TMPRSS13: variants seen among roughly 807,000 people sequenced by gnomAD.
TMPRSS13 encodes transmembrane serine protease 13.
TMPRSS13 carries 50 observed loss-of-function variants against 68.4 expected under a neutral mutation model. The ratio of observed to expected loss-of-function variants is 0.73; its 90% confidence interval spans 0.58 to 0.93. The LOEUF (loss-of-function observed/expected upper bound fraction) is 0.93. TMPRSS13 is among the 40% of genes least tolerant of loss of function. TMPRSS13 has a pLI of 0.00. For missense variants in TMPRSS13, 615 were observed against 729.2 expected (o/e 0.84, Z 1.80); for synonymous variants, 267 against 285.8 (o/e 0.93, Z 0.66).
intron 9 of TMPRSS13, 111 bp downstream of exon 9, chr11:117,908,501 C>T (rs1464475246): frequency 8.3e-7 from 1 of 1,208,692 alleles, no homozygotes; most frequent in East Asian, 2.6e-5. Flanking sequence ...GACTTCTGCC[C>T]TGCAGAAGCT....
chr11:117,919,411 G>C (rs996367845), intron 1 of TMPRSS13, among the ~76,000 whole-genome samples: 2 of 152,256 alleles, frequency 1.3e-5, no homozygotes, highest in African/African-American at 4.8e-5. Flanking sequence ...CATCTGAGGA[G>C]AAAAAGAATG....
chr11:117,914,440 A>G lies in TMPRSS13; in HGVS notation c.631T>C (p.Cys211Arg). 1 of 1,614,020 alleles carries G rather than the reference A, an allele frequency of 6.2e-7. No individual in the cohort carries two copies. Among genetic ancestry groups the G allele is most frequent in the Non-Finnish European group, 8.5e-7 (1 of 1,180,008 alleles). The stretch of plus-strand genomic sequence containing the variant: ...AGCTTGCAGTCCACCACCCCGTCAC[A>G]GCGAACAGCGTGCTTGGGACAGCTC... ...RESCPKHAVR[C>R]DGVVDCKLKS... is the part of the protein sequence containing the mutation. Residue 211 changes from cysteine (C) to arginine (R), a missense_variant, in exon 4 of 13, where the codon TGT becomes CGT. Cys to Arg is a radical substitution (Grantham distance 180). Coordinates refer to ENST00000524993, the MANE Select transcript of TMPRSS13 (RefSeq NM_001077263.3). The surrounding 1 kb of genome is among the most constrained non-coding windows in gnomAD (Gnocchi z 4.2).
chr11:117,921,751 G>A (rs1480861197), intron 1 of TMPRSS13, among the ~76,000 whole-genome samples: 1 of 152,242 alleles, frequency 6.6e-6, no homozygotes, highest in Non-Finnish European at 1.5e-5. Flanking sequence ...TGCTGTCAGA[G>A]CCTGGGAGGC....
At position 117,908,427 on chromosome 11, in the gene TMPRSS13, T is replaced by C. The variant is rs2057485093; in HGVS notation, c.1282+185A>G. 6 of 669,510 alleles carry C rather than the reference T, an allele frequency of 9.0e-6. 1 individual carries two copies. The highest frequency in any genetic ancestry group is 5.0e-4 in the Middle Eastern group (2 of 4,034). The allele number at this position is 669,510 out of a possible 1,614,324, so 41.5% of individuals were successfully genotyped here. ...TTTGGAGCAAACTTATTTATAACCC[T>C]TGGGCTTCAGTTTCCCTAATTATAA... is the stretch of plus-strand genomic sequence containing the variant. On this transcript the variant is annotated intron_variant, in intron 9 of 12. Transcript: ENST00000524993.
In TMPRSS13 at chr11:117,914,302, C is replaced by T. The variant is rs2057552363; in HGVS notation, c.679+90G>A. On this transcript the variant is annotated intron_variant, in intron 4 of 12. Transcript: ENST00000524993. The surrounding 1 kb of genome is among the most constrained non-coding windows in gnomAD (Gnocchi z 4.2). ...ACATGCACGCACACATATACACACA[C>T]AGGCATGCATACACACACACATATA... 2 of 1,532,246 alleles carry T rather than the reference C, an allele frequency of 1.3e-6. No homozygotes were observed. Among genetic ancestry groups the T allele is most frequent in the African/African-American group, 1.4e-5 (1 of 73,796 alleles). The allele number at this position is 1,532,246 out of a possible 1,614,324, so 94.9% of individuals were successfully genotyped here.
At chr11:117,929,246 G>T (rs758611567) in intron 1 of TMPRSS13, 41 bp downstream of exon 1, 2 of 1,581,426 alleles carry the variant, frequency 1.3e-6, no homozygotes, top group African/African-American at 1.4e-5. Flanking sequence ...TGCTTCCTCA[G>T]CGCTGGGAGA....
chr11:117,910,670 C>A, intron 7 of TMPRSS13, 37 bp downstream of exon 7: 1 of 1,592,066 alleles, frequency 6.3e-7, no homozygotes, highest in Non-Finnish European at 8.6e-7. Context: ...TACTCCCACA[C>A]GACACTGGCC....
At chr11:117,920,199 A>T (rs914225229) in intron 1 of TMPRSS13, among the ~76,000 whole-genome samples, 1 of 152,180 alleles carries the variant, frequency 6.6e-6, no homozygotes, top group African/African-American at 2.4e-5. Context: ...TCACCTCTTT[A>T]CATCTCAGTC....
Position 117,915,301 on chromosome 11 carries a change from G to A in TMPRSS13, c.557-787C>T, listed in dbSNP as rs901363537. The stretch of plus-strand genomic sequence containing the variant: ...CTCCCCTTGGCTGCCTCACAGACCC[G>A]GGTTCTAACTTCTCACCCTGCCGCT... On this transcript the variant is annotated intron_variant, in intron 3 of 12. Coordinates refer to ENST00000524993, the MANE Select transcript of TMPRSS13 (RefSeq NM_001077263.3). The surrounding 1 kb of genome is among the most constrained non-coding windows in gnomAD (Gnocchi z 4.9). 5.3e-5 allele frequency among the ~76,000 whole-genome samples: 8 copies of A among 152,112 alleles called. No homozygotes were observed. The highest frequency in any genetic ancestry group is 2.1e-4 in the South Asian group (1 of 4,832).
rs1009093177 is a variant in TMPRSS13 at position 117,905,678 on chromosome 11, G to A, written c.1341C>T (p.Thr447=). 4.4e-6 allele frequency: 7 copies of A among 1,606,094 alleles called. No homozygotes were observed. Among genetic ancestry groups the A allele is most frequent in the Non-Finnish European group, 5.1e-6 (6 of 1,175,512 alleles). ...MHGQTFSLNE[T]CWITGFGKTR... is the part of the protein sequence containing the mutation. The stretch of plus-strand genomic sequence containing the variant: ...TCTTGCCAAAGCCTGTGATCCAGCA[G>A]GTCTCATTGAGGCTAAAGGTCTGTC... Residue 447 remains threonine (T), a synonymous_variant, in exon 10 of 13, where the codon ACC becomes ACT. Coordinates refer to ENST00000524993, the MANE Select transcript of TMPRSS13 (RefSeq NM_001077263.3).
At position 117,902,268 on chromosome 11, in the gene TMPRSS13, G is replaced by A. The variant is rs1440402245; in HGVS notation, c.1678-3C>T. The A allele has an allele frequency of 4.3e-6, 7 of 1,613,470 alleles. No homozygotes were observed. In the South Asian group the frequency reaches 6.6e-5, roughly 15 times the overall value. On this transcript the variant is annotated splice_region_variant and splice_polypyrimidine_tract_variant and intron_variant, in intron 12 of 12. Coordinates refer to ENST00000524993, the MANE Select transcript of TMPRSS13 (RefSeq NM_001077263.3). ...GATTTTCTGAATCGCACCTCGCTCT[G>A]AGGAAGAGAATGGGAGAAGAGGGTG...
chr11:117,918,557 G>T lies in TMPRSS13; in HGVS notation c.303C>A (p.Ser101=). The T allele has an allele frequency of 6.2e-7, 1 of 1,614,224 alleles. No individual in the cohort carries two copies. The highest frequency in any genetic ancestry group is 8.5e-7 in the Non-Finnish European group (1 of 1,180,042). The change falls in exon 2 of 13, where the codon TCC becomes TCA. Residue 101 remains serine (S), a synonymous_variant. Coordinates refer to ENST00000524993, the MANE Select transcript of TMPRSS13 (RefSeq NM_001077263.3). ...CTGACCTGGCGGATGATGACCTGCC[G>T]GATGAGGACCTGGAAAGTGATGCCA... ...PALASLSRSS[S]GRSSSARSAS... is the part of the protein sequence containing the mutation.
chr11:117,924,704 T>C (rs1427528986), intron 1 of TMPRSS13, among the ~76,000 whole-genome samples: 1 of 151,950 alleles, frequency 6.6e-6, no homozygotes, highest in East Asian at 1.9e-4. Flanking sequence ...GTGACTTTTT[T>C]CCCTTTCTCA....
chr11:117,926,673 G>A (rs1018206937), intron 1 of TMPRSS13, among the ~76,000 whole-genome samples: 9 of 152,190 alleles, frequency 5.9e-5, no homozygotes, highest in Admixed American at 2.6e-4. Context: ...CTGGTGTGGC[G>A]CACCTGTCAT....
In TMPRSS13 at chr11:117,900,916, G is replaced by T. The variant is rs912869884; in HGVS notation, c.*1323C>A. Reference sequence around the variant, plus strand: ...GACGGGCCCAAGGAAGGTGAGGGGAGCAGGACTGGCAGAGGAATAGGTGCC... The same window carrying T: ...GACGGGCCCAAGGAAGGTGAGGGGATCAGGACTGGCAGAGGAATAGGTGCC... On this transcript the variant is annotated 3_prime_UTR_variant, in exon 13 of 13. Transcript: ENST00000524993. 2.6e-5 allele frequency: 4 copies of T among 152,358 alleles called. No individual in the cohort carries two copies. The highest frequency in any genetic ancestry group is 9.6e-5 in the African/African-American group (4 of 41,458). 9.4% of individuals were successfully genotyped at this position (152,358 alleles called of 1,614,324 possible). A position where few individuals can be genotyped will look rare whatever the true frequency, so the allele number is the denominator to read the frequency against.
chr11:117,928,609 G>A (rs575617100), intron 1 of TMPRSS13, among the ~76,000 whole-genome samples: 8 of 152,178 alleles, frequency 5.3e-5, no homozygotes, highest in Non-Finnish European at 1.0e-4. Context: ...AAGATCTTTG[G>A]AAGCCTTCAT....
chr11:117,905,535 T>C (rs2057456011), intron 10 of TMPRSS13, 103 bp downstream of exon 10: 1 of 971,304 alleles, frequency 1.0e-6, no homozygotes, highest in Admixed American at 2.2e-5. Context: ...CTCATCGACA[T>C]AGGCCTTCAT....
chr11:117,902,130 G>T lies in TMPRSS13; in HGVS notation c.*109C>A. On this transcript the variant is annotated 3_prime_UTR_variant, in exon 13 of 13. Transcript: ENST00000524993. ...GAGGCAGCAGACAGTGGAGGTGGGAGTCCGATGGTGCCCGGTGGCCATTAG... is the reference window on the plus strand; with the variant it reads ...GAGGCAGCAGACAGTGGAGGTGGGATTCCGATGGTGCCCGGTGGCCATTAG... 8.2e-7 allele frequency: 1 copy of T among 1,220,576 alleles called. No homozygotes were observed. The highest frequency in any genetic ancestry group is 1.2e-6 in the Non-Finnish European group (1 of 846,630). The allele number at this position is 1,220,576 out of a possible 1,614,324, so 75.6% of individuals were successfully genotyped here. A position where few individuals can be genotyped will look rare whatever the true frequency, so the allele number is the denominator to read the frequency against.
At chr11:117,917,915 C>A (rs1413409141) in intron 2 of TMPRSS13, among the ~76,000 whole-genome samples, 1 of 152,120 alleles carries the variant, frequency 6.6e-6, no homozygotes. Flanking sequence ...CTCTCTGACT[C>A]CCTAGTAGCT....
Sources: allele counts gnomAD v4.1 joint callset (sites outside exome capture counted in the v4.1 genomes callset), GRCh38; gene constraint gnomAD v4.1.1; non-coding constraint Gnocchi (gnomAD v3.1); transcripts MANE v1.5; gene names NCBI Gene and HGNC (gene_info 2026-07-23, HGNC 2026-07-21).